PRKN: variants seen among roughly 807,000 people sequenced by gnomAD.
The protein encoded by PRKN is E3 ubiquitin-protein ligase parkin.
In PRKN, 56 loss-of-function variants were observed where a neutral mutation model predicts 59.5. That is an observed-to-expected ratio of 0.94 (90% CI 0.76 to 1.18). PRKN has a LOEUF of 1.18. Ranked by LOEUF, PRKN falls within the 50% of genes most tolerant of loss-of-function variation. The pLI is 0.00. For synonymous variants in PRKN, 250 were observed against 222.1 expected, an observed-to-expected ratio of 1.13 and a Z score of -1.12; for missense variants, 657 against 596.4, an observed-to-expected ratio of 1.10 and a Z score of -1.06.
At chr6:161,669,282 GT>G (rs1296912710) in intron 7 of PRKN, among the ~76,000 whole-genome samples, 1 of 152,212 alleles carries the variant, frequency 6.6e-6, no homozygotes, top group Admixed American at 6.5e-5. Flanking sequence ...AGTTTATTAA[GT>G]TTTATTATAG....
intron 7 of PRKN, among the ~76,000 whole-genome samples, chr6:161,615,224 T>C (rs1028871248): frequency 2.6e-5 from 4 of 152,162 alleles, no homozygotes; most frequent in African/African-American, 4.8e-5. Flanking sequence ...TTTTGTGTTA[T>C]TTTGGGGCTT....
At chr6:162,200,735 T>C (rs1204722487) in intron 4 of PRKN, among the ~76,000 whole-genome samples, 8 of 152,160 alleles carry the variant, frequency 5.3e-5, no homozygotes, top group African/African-American at 7.2e-5. Flanking sequence ...GCCCAGTGAA[T>C]GTTGACTTTT....
At chr6:161,558,871 T>C (rs909692537) in intron 8 of PRKN, among the ~76,000 whole-genome samples, 1 of 152,010 alleles carries the variant, frequency 6.6e-6, no homozygotes, top group Non-Finnish European at 1.5e-5. Context: ...GTGGCCCCCA[T>C]GACCCTGCTG....
At chr6:161,785,191 A>C (rs1352383994) in intron 7 of PRKN, among the ~76,000 whole-genome samples, 1 of 152,202 alleles carries the variant, frequency 6.6e-6, no homozygotes, top group Non-Finnish European at 1.5e-5. Context: ...CAACATTGTG[A>C]ATGCACAAAA....
At chr6:161,559,144 A>G (rs993427909) in intron 8 of PRKN, among the ~76,000 whole-genome samples, 12 of 150,212 alleles carry the variant, frequency 8.0e-5, no homozygotes, top group African/African-American at 2.7e-4. Context: ...TTTTTTCCAG[A>G]TATTTCAGGT....
intron 3 of PRKN, among the ~76,000 whole-genome samples, chr6:162,232,252 C>T (rs1316166696): frequency 6.6e-6 from 1 of 152,160 alleles, no homozygotes; most frequent in Non-Finnish European, 1.5e-5. Flanking sequence ...CTGTTGCTGA[C>T]CTGCAGTGCC....
chr6:161,967,818 A>T (rs1780638454), intron 6 of PRKN, among the ~76,000 whole-genome samples: 1 of 152,164 alleles, frequency 6.6e-6, no homozygotes. Flanking sequence ...AGGCAATGAG[A>T]CATACTTGTG....
chr6:161,643,817 A>G (rs963479962), intron 7 of PRKN, among the ~76,000 whole-genome samples: 1 of 152,212 alleles, frequency 6.6e-6, no homozygotes, highest in African/African-American at 2.4e-5. Context: ...CTTTCATATT[A>G]GGCATAATAA....
chr6:161,953,425 A>AT (rs1467893634), intron 6 of PRKN, among the ~76,000 whole-genome samples: 1 of 152,118 alleles, frequency 6.6e-6, no homozygotes, highest in South Asian at 2.1e-4. Context: ...TTATTTATTT[A>AT]TTTTTTAAGA....
chr6:161,517,143 A>G (rs1246609806), intron 9 of PRKN, among the ~76,000 whole-genome samples: 1 of 152,178 alleles, frequency 6.6e-6, no homozygotes, highest in African/African-American at 2.4e-5. Context: ...TGGAAGCAAA[A>G]TGAGTAGATG....
At chr6:162,252,501 C>T (rs763776811) in intron 3 of PRKN, among the ~76,000 whole-genome samples, 2 of 152,200 alleles carry the variant, frequency 1.3e-5, no homozygotes, top group Non-Finnish European at 2.9e-5. Flanking sequence ...ATGTTGAAAC[C>T]TAATCACCAA....
intron 1 of PRKN, among the ~76,000 whole-genome samples, chr6:162,526,598 C>T (rs1019178715): frequency 4.7e-5 from 7 of 149,910 alleles, no homozygotes; most frequent in East Asian, 3.9e-4. Flanking sequence ...TGCAGTGAGC[C>T]GAGATCGCGC....
intron 5 of PRKN, among the ~76,000 whole-genome samples, chr6:162,024,733 T>C (rs961556160): frequency 2.0e-5 from 3 of 152,170 alleles, no homozygotes; most frequent in African/African-American, 4.8e-5. Context: ...TCTAGTGACC[T>C]TGGTGCAGTC....
chr6:161,676,529 T>A (rs1785092954), intron 7 of PRKN, among the ~76,000 whole-genome samples: 1 of 152,212 alleles, frequency 6.6e-6, no homozygotes, highest in South Asian at 2.1e-4. Flanking sequence ...TCAGTGTCTG[T>A]AAGTAAAGTC....
chr6:162,092,971 G>A (rs1779568400), intron 4 of PRKN, among the ~76,000 whole-genome samples: 1 of 152,176 alleles, frequency 6.6e-6, no homozygotes, highest in South Asian at 2.1e-4. Context: ...TTAGCTCTCA[G>A]AGCCGAAGCT....
At chr6:161,961,094 C>T (rs1032549123) in intron 6 of PRKN, among the ~76,000 whole-genome samples, 2 of 152,156 alleles carry the variant, frequency 1.3e-5, no homozygotes, top group African/African-American at 4.8e-5. Flanking sequence ...CCTTCTCCAG[C>T]CTTGTGGAAT....
chr6:161,555,295 A>G (rs1011155391), intron 8 of PRKN, among the ~76,000 whole-genome samples: 3 of 152,072 alleles, frequency 2.0e-5, no homozygotes, highest in Non-Finnish European at 4.4e-5. Context: ...CTTTGATTTG[A>G]GGCATTCTTC....
intron 1 of PRKN, among the ~76,000 whole-genome samples, chr6:162,528,110 C>G (rs901750667): frequency 6.6e-6 from 1 of 151,442 alleles, no homozygotes; most frequent in African/African-American, 2.4e-5. Context: ...CACCTGAGGT[C>G]AGGACTTCAA....
chr6:162,552,706 AGAT>A (rs897546526), intron 1 of PRKN, among the ~76,000 whole-genome samples: 1 of 152,048 alleles, frequency 6.6e-6, no homozygotes, highest in Non-Finnish European at 1.5e-5. Flanking sequence ...GCTGAGCTGG[AGAT>A]ATAAATTTGG....
Sources: allele counts gnomAD v4.1 joint callset (sites outside exome capture counted in the v4.1 genomes callset), GRCh38; gene constraint gnomAD v4.1.1; transcripts MANE v1.5; gene names NCBI Gene and HGNC (gene_info 2026-07-23, HGNC 2026-07-21).